The following ZGRF1 variants were observed in gnomAD, a reference collection of about 807,000 sequenced individuals.
ZGRF1 encodes zinc finger GRF-type containing 1, also known as 5'-3' DNA helicase ZGRF1.
In ZGRF1, 196 loss-of-function variants were observed where a neutral mutation model predicts 203.5. That is an observed-to-expected ratio of 0.96 (90% CI 0.86 to 1.08). The LOEUF (loss-of-function observed/expected upper bound fraction) is 1.08, where lower values mean the gene tolerates loss of function less well. Ranked by LOEUF, ZGRF1 falls within the 50% of genes least tolerant of loss-of-function variation. The probability of loss-of-function intolerance (pLI) is 0.00; values close to 1 mark genes in which losing one functional copy is unlikely to be tolerated. For synonymous variants in ZGRF1, 809 were observed against 841.3 expected, an observed-to-expected ratio of 0.96 and a Z score of 0.66; for missense variants, 2,326 against 2,416.3, an observed-to-expected ratio of 0.96 and a Z score of 0.78.
chr4:112,612,584 C>A lies in ZGRF1; in HGVS notation c.2607G>T (p.Arg869Ser). ...TYEPDSPPEVRKPFITVVSPK... is the reference protein window; with the variant it reads ...TYEPDSPPEVSKPFITVVSPK... ...GTGAAACTACTGTAATAAATGGTTT[C>A]CTCACTGTAATGGAGAAAAGAAATA... Residue 869 changes from arginine (R) to serine (S), a missense_variant, in exon 7 of 28, where the codon AGG becomes AGT. By Grantham distance (110) the Arg-to-Ser change is moderately radical. Coordinates refer to ENST00000505019, the MANE Select transcript of ZGRF1 (RefSeq NM_018392.5). The A allele has an allele frequency of 6.3e-7, 1 of 1,592,246 alleles. No homozygotes were observed. The highest frequency in any genetic ancestry group is 1.1e-5 in the South Asian group (1 of 90,084).
chr4:112,583,996 T>G lies in ZGRF1; in HGVS notation c.4280A>C (p.Glu1427Ala), dbSNP rs1746717596. Reference sequence around the variant, plus strand: ...AACATACCTCACCAAAAGCTGGCATTCCTCATAAAGTGGTATCTTTTGACT... The same window carrying G: ...AACATACCTCACCAAAAGCTGGCATGCCTCATAAAGTGGTATCTTTTGACT... ...LRSQKIPLYE[E>A]CQLLVRKGFD... The change falls in exon 15 of 28, where the codon GAA becomes GCA. Residue 1427 changes from glutamate to alanine, a missense_variant. Coordinates refer to ENST00000505019, the MANE Select transcript of ZGRF1 (RefSeq NM_018392.5). 2 of 1,601,134 alleles carry G rather than the reference T, an allele frequency of 1.2e-6. No homozygotes were observed. Among genetic ancestry groups the G allele is most frequent in the Non-Finnish European group, 1.7e-6 (2 of 1,175,372 alleles).
chr4:112,622,344 C>A (rs993186084), intron 4 of ZGRF1, among the ~76,000 whole-genome samples: 2 of 151,522 alleles, frequency 1.3e-5, no homozygotes. Flanking sequence ...CATGGTGAAA[C>A]CCCATCTCTA....
intron 14 of ZGRF1, 103 bp downstream of exon 14, chr4:112,585,438 C>G (rs1746997687): frequency 1.2e-6 from 1 of 837,954 alleles, no homozygotes; most frequent in Non-Finnish European, 1.7e-6. Context: ...ATAGAAAGCT[C>G]TTAATCAAGA....
intron 19 of ZGRF1, among the ~76,000 whole-genome samples, chr4:112,559,343 T>C (rs1470128434): frequency 1.3e-5 from 2 of 152,110 alleles, no homozygotes; most frequent in Non-Finnish European, 2.9e-5. Context: ...GGACTACAGG[T>C]GCATGCCTCC....
At chr4:112,567,850 TAGG>T (rs1260162177) in intron 16 of ZGRF1, among the ~76,000 whole-genome samples, 1 of 151,820 alleles carries the variant, frequency 6.6e-6, no homozygotes, top group African/African-American at 2.4e-5. Flanking sequence ...CACTAGGGCC[TAGG>T]AGGTCAACGC....
rs11385405 is a variant in ZGRF1, at chr4:112,561,911, C to CTTTTT, written c.4697+455_4697+459dup. On this transcript the variant is annotated intron_variant, in intron 18 of 27. Transcript: ENST00000505019. ...AAAAATAATGCATAATTCCTTTTCTCTTTTTTTTTTTTTTTTTTTTTGAGA... is the reference window on the plus strand; with the variant it reads ...AAAAATAATGCATAATTCCTTTTCTCTTTTTTTTTTTTTTTTTTTTTTTTTTGAGA... 1.0e-3 allele frequency among the ~76,000 whole-genome samples: 109 copies of CTTTTT among 108,148 alleles called. 1 individual carries two copies. Among genetic ancestry groups the CTTTTT allele is most frequent in the Admixed American group, 1.9e-3 (16 of 8,512 alleles). 70.9% of individuals were successfully genotyped at this position (108,148 alleles called of 152,430 possible). A position where few individuals can be genotyped will look rare whatever the true frequency, so the allele number is the denominator to read the frequency against.
chr4:112,631,720 T>A (rs1405302702), intron 3 of ZGRF1, among the ~76,000 whole-genome samples: 1 of 152,156 alleles, frequency 6.6e-6, no homozygotes, highest in African/African-American at 2.4e-5. Context: ...TGCTACTGGA[T>A]AACAGATCTT....
intron 24 of ZGRF1, 53 bp from the exon 25 acceptor site, chr4:112,541,321 G>T: frequency 1.0e-6 from 1 of 975,852 alleles, no homozygotes; most frequent in Non-Finnish European, 1.5e-6. Flanking sequence ...TTCTTCTAGG[G>T]AAAGAAAATT....
rs773746199 is a variant in ZGRF1, at chr4:112,619,536, A to G, written c.506T>C (p.Val169Ala). The stretch of plus-strand genomic sequence containing the variant: ...CTCAGGGTCTGCCAGTATATTATTT[A>G]CATCTTTCTTGCCAACAGTAGGAAA... The part of the protein sequence containing the change: ...PLFPTVGKKD[V>A]NNILADPENI... The change falls in exon 6 of 28, where the codon GTA becomes GCA. Residue 169 changes from valine (V) to alanine (A), a missense_variant. By Grantham distance (64) the Val-to-Ala change is moderately conservative (BLOSUM62 0). Coordinates refer to ENST00000505019, the MANE Select transcript of ZGRF1 (RefSeq NM_018392.5). 4 of 1,614,130 alleles carry G rather than the reference A, an allele frequency of 2.5e-6. No homozygotes were observed. The highest frequency in any genetic ancestry group is 1.1e-5 in the South Asian group (1 of 91,076).
chr4:112,586,697 T>C, intron 12 of ZGRF1, 114 bp from the exon 13 acceptor site: 1 of 817,900 alleles, frequency 1.2e-6, no homozygotes, highest in Admixed American at 3.7e-5. Context: ...TTTTGATTTC[T>C]AGGATCCTTG....
At chr4:112,606,371 G>A (rs566528861) in intron 8 of ZGRF1, among the ~76,000 whole-genome samples, 1 of 152,260 alleles carries the variant, frequency 6.6e-6, no homozygotes, top group African/African-American at 2.4e-5. Flanking sequence ...AGAAAAAAAT[G>A]CCAGGTATAA....
chr4:112,615,928 C>T (rs2046853627), intron 6 of ZGRF1, among the ~76,000 whole-genome samples: 1 of 152,110 alleles, frequency 6.6e-6, no homozygotes, highest in Non-Finnish European at 1.5e-5. Context: ...AGCCACTGTG[C>T]CTGGCTACTT....
intron 20 of ZGRF1, 66 bp downstream of exon 20, chr4:112,558,084 T>C (rs778300427): frequency 1.7e-5 from 23 of 1,338,318 alleles, no homozygotes; most frequent in South Asian, 2.6e-5. Flanking sequence ...TCAGGGCCCA[T>C]AGTGGGTTGC....
chr4:112,623,515 A>G (rs2047131070), intron 4 of ZGRF1, among the ~76,000 whole-genome samples: 2 of 152,022 alleles, frequency 1.3e-5, no homozygotes, highest in South Asian at 2.1e-4. Flanking sequence ...CTCTAGAATC[A>G]CCTCCTAGGA....
intron 16 of ZGRF1, among the ~76,000 whole-genome samples, chr4:112,565,880 C>A (rs1356024306): frequency 6.6e-6 from 1 of 152,176 alleles, no homozygotes; most frequent in African/African-American, 2.4e-5. Context: ...GAAATAGCAA[C>A]ACTTTTACAC....
chr4:112,588,984 T>C (rs1283421538), intron 11 of ZGRF1, among the ~76,000 whole-genome samples: 1 of 152,168 alleles, frequency 6.6e-6, no homozygotes, highest in Admixed American at 6.6e-5. Flanking sequence ...ATTTGATTCT[T>C]CTCTACCTTG....
At chr4:112,582,622 T>C (rs1056508164) in intron 15 of ZGRF1, among the ~76,000 whole-genome samples, 9 of 152,156 alleles carry the variant, frequency 5.9e-5, no homozygotes, top group African/African-American at 2.2e-4. Flanking sequence ...CCTGGCTAAT[T>C]TTTGTAGAGA....
intron 22 of ZGRF1, among the ~76,000 whole-genome samples, chr4:112,552,140 C>A (rs904218121): frequency 1.3e-5 from 2 of 151,644 alleles, no homozygotes; most frequent in Admixed American, 6.6e-5. Context: ...TAGCCGGGTG[C>A]GGTGGAATGT....
At chr4:112,542,792 CTTTCTTTTTTCT>C (rs1358949599) in intron 24 of ZGRF1, among the ~76,000 whole-genome samples, 1 of 150,734 alleles carries the variant, frequency 6.6e-6, no homozygotes, top group Admixed American at 6.6e-5. Context: ...TTCCTTCCTT[CTTTCTTTTTTCT>C]TTTCTTTTCT....
Sources: allele counts gnomAD v4.1 joint callset (sites outside exome capture counted in the v4.1 genomes callset), GRCh38; gene constraint gnomAD v4.1.1; transcripts MANE v1.5; gene names NCBI Gene and HGNC (gene_info 2026-07-23, HGNC 2026-07-21).